The following CSMD1 variants were observed in gnomAD, a reference collection of about 807,000 sequenced individuals.
CSMD1 encodes CUB and Sushi multiple domains 1, also known as CUB and sushi domain-containing protein 1.
CSMD1 carries 213 observed loss-of-function variants against 417.5 expected under a neutral mutation model. The observed-to-expected ratio is 0.51, with a 90% confidence interval of 0.46 to 0.57. The LOEUF (loss-of-function observed/expected upper bound fraction) is 0.57, where lower values mean the gene tolerates loss of function less well. CSMD1 is among the 20% of genes least tolerant of loss of function. The pLI is 0.00. For missense variants in CSMD1, 6,923 were observed against 4,529.7 expected, an observed-to-expected ratio of 1.53 and a Z score of -15.17; for synonymous variants, 2,862 against 1,736.8, an observed-to-expected ratio of 1.65 and a Z score of -16.11.
intron 3 of CSMD1, among the ~76,000 whole-genome samples, chr8:4,233,450 A>G (rs1432789286): frequency 6.6e-6 from 1 of 152,182 alleles, no homozygotes; most frequent in African/African-American, 2.4e-5. Context: ...GTATTTGGAG[A>G]TGGGACCTTT....
intron 7 of CSMD1, among the ~76,000 whole-genome samples, chr8:3,652,112 ACGCTTACCATCAGAG>A (rs879272616): frequency 0.12 from 12,319 of 99,568 alleles, 816 homozygotes; most frequent in Middle Eastern, 0.21. Context: ...CACCATCAGC[ACGCTTACCATCAGAG>A]CGCTTACCAC....
intron 3 of CSMD1, among the ~76,000 whole-genome samples, chr8:4,092,275 C>G (rs946549114): frequency 6.6e-6 from 1 of 152,076 alleles, no homozygotes; most frequent in African/African-American, 2.4e-5. Context: ...TTCCAACCAA[C>G]TGAGTATGGG....
intron 8 of CSMD1, among the ~76,000 whole-genome samples, chr8:3,616,012 T>A (rs1223622555): frequency 6.6e-6 from 1 of 152,192 alleles, no homozygotes; most frequent in Non-Finnish European, 1.5e-5. Context: ...ATGATATGCA[T>A]TTTCTGAATA....
intron 11 of CSMD1, among the ~76,000 whole-genome samples, chr8:3,491,731 G>C (rs1462130427): frequency 6.6e-6 from 1 of 152,142 alleles, no homozygotes; most frequent in African/African-American, 2.4e-5. Flanking sequence ...ATAAATAAGG[G>C]GATAAGGTGA....
At chr8:2,967,470 G>A (rs1474638622) in intron 57 of CSMD1, among the ~76,000 whole-genome samples, 2 of 152,160 alleles carry the variant, frequency 1.3e-5, no homozygotes, top group Non-Finnish European at 2.9e-5. Context: ...TCTTTAGTCA[G>A]TAAACAAAAG....
intron 2 of CSMD1, among the ~76,000 whole-genome samples, chr8:4,423,532 G>A (rs773690546): frequency 2.0e-5 from 3 of 151,994 alleles, no homozygotes; most frequent in Non-Finnish European, 4.4e-5. Context: ...ACACAACACT[G>A]AAGAAAAAGT....
intron 3 of CSMD1, among the ~76,000 whole-genome samples, chr8:4,247,806 G>A (rs1050425452): frequency 4.6e-5 from 7 of 152,240 alleles, no homozygotes; most frequent in African/African-American, 1.7e-4. Context: ...GGGAGCCAAA[G>A]CAAGTGCTTA....
At chr8:3,745,381 G>A (rs1014657739) in intron 6 of CSMD1, among the ~76,000 whole-genome samples, 2 of 152,136 alleles carry the variant, frequency 1.3e-5, no homozygotes, top group African/African-American at 4.8e-5. Context: ...CAGCAGGAGG[G>A]AACCCTCTGA....
At chr8:3,800,625 G>C (rs1376472314) in intron 5 of CSMD1, among the ~76,000 whole-genome samples, 1 of 152,178 alleles carries the variant, frequency 6.6e-6, no homozygotes, top group Non-Finnish European at 1.5e-5. Flanking sequence ...GGGCCTAGAA[G>C]AGGTATTTGG....
At chr8:4,323,478 CT>C (rs1799382717) in intron 3 of CSMD1, among the ~76,000 whole-genome samples, 1 of 95,266 alleles carries the variant, frequency 1.0e-5, no homozygotes, top group African/African-American at 5.7e-5. Flanking sequence ...CATAATGGGA[CT>C]AGGGCTTTCT....
intron 3 of CSMD1, among the ~76,000 whole-genome samples, chr8:4,368,309 A>C (rs1296508149): frequency 6.6e-6 from 1 of 152,090 alleles, no homozygotes; most frequent in Non-Finnish European, 1.5e-5. Context: ...GTGTATGTTA[A>C]ACCAACTTTA....
rs557353425 is a variant in CSMD1, at chr8:3,493,638, C to G, written c.1433G>C (p.Arg478Thr). The G allele has an allele frequency of 1.5e-5, 24 of 1,610,484 alleles. No homozygotes were observed. The East Asian group carries it at 2.5e-4, about 16-fold the overall frequency. ...ACATACTCACACGTACAAGACCGAT[C>G]TGGTGTCTCCCACCTTCCCAGCATC... ...VGDAGKVGDT[R>T]SVLYVLTGSS... Residue 478 changes from arginine to threonine, a missense_variant, in exon 11 of 70, where the codon AGA becomes ACA. Physicochemically the swap from Arg to Thr is moderately conservative, Grantham distance 71. Transcript: ENST00000635120.
At chr8:3,582,435 G>C (rs1363980510) in intron 9 of CSMD1, among the ~76,000 whole-genome samples, 2 of 152,176 alleles carry the variant, frequency 1.3e-5, no homozygotes, top group Admixed American at 6.5e-5. Flanking sequence ...TTTAATTGAA[G>C]AAAGAGTGTT....
intron 6 of CSMD1, among the ~76,000 whole-genome samples, chr8:3,728,383 A>G (rs1441998180): frequency 6.6e-6 from 1 of 152,194 alleles, no homozygotes; most frequent in Non-Finnish European, 1.5e-5. Context: ...ATTACCCAGT[A>G]TTGGGTATGT....
chr8:4,408,215 C>CCATT (rs1330284387), intron 3 of CSMD1, among the ~76,000 whole-genome samples: 1 of 152,192 alleles, frequency 6.6e-6, no homozygotes, highest in Non-Finnish European at 1.5e-5. Flanking sequence ...AGGCCCCAGG[C>CCATT]CATTCCTCCT....
chr8:3,955,509 G>A (rs895486912), intron 5 of CSMD1, among the ~76,000 whole-genome samples: 1 of 152,190 alleles, frequency 6.6e-6, no homozygotes, highest in African/African-American at 2.4e-5. Context: ...GTTTGAAGCT[G>A]TCAGCCAACC....
chr8:3,951,487 G>A (rs1811598460), intron 5 of CSMD1, among the ~76,000 whole-genome samples: 1 of 152,100 alleles, frequency 6.6e-6, no homozygotes, highest in Non-Finnish European at 1.5e-5. Context: ...CCAACTGCTT[G>A]AATAACAACT....
intron 7 of CSMD1, among the ~76,000 whole-genome samples, chr8:3,624,434 C>T (rs73493632): frequency 0.018 from 2,763 of 152,208 alleles, 87 homozygotes; most frequent in African/African-American, 0.064. Context: ...ATATAAGAGC[C>T]ATTTAGATAA....
intron 26 of CSMD1, among the ~76,000 whole-genome samples, chr8:3,249,300 C>T (rs1370838231): frequency 6.6e-6 from 1 of 152,196 alleles, no homozygotes; most frequent in African/African-American, 2.4e-5. Flanking sequence ...CAGTTCACTG[C>T]AACCTCTGCC....
Sources: allele counts gnomAD v4.1 joint callset (sites outside exome capture counted in the v4.1 genomes callset), GRCh38; gene constraint gnomAD v4.1.1; transcripts MANE v1.5; gene names NCBI Gene and HGNC (gene_info 2026-07-23, HGNC 2026-07-21).